The following SLC2A14 variants were observed in gnomAD, a reference collection of about 807,000 sequenced individuals.
SLC2A14 encodes the protein solute carrier family 2, facilitated glucose transporter member 14.
In SLC2A14, 13 loss-of-function variants were observed where a neutral mutation model predicts 43.0. The ratio of observed to expected loss-of-function variants is 0.30; its 90% CI spans 0.20 to 0.48. SLC2A14 has a LOEUF of 0.48. Ranked by LOEUF, SLC2A14 falls within the 20% of genes least tolerant of loss-of-function variation. SLC2A14 has a pLI of 0.99. For missense variants in SLC2A14, 428 were observed against 620.4 expected (o/e 0.69, Z 3.29); for synonymous variants, 190 against 233.8 (o/e 0.81, Z 1.71).
At chr12:7,815,596 G>C (rs1863369191) in intron 10 of SLC2A14, among the ~76,000 whole-genome samples, 2 of 151,920 alleles carry the variant, frequency 1.3e-5, no homozygotes, top group Non-Finnish European at 2.9e-5. Context: ...TTTTTTTTGA[G>C]ACGGAGTTTC....
upstream of SLC2A14, among the ~76,000 whole-genome samples, chr12:7,874,783 A>ACG (rs1354321369): frequency 1.4e-4 from 3 of 21,350 alleles, no homozygotes; most frequent in East Asian, 0.024. Flanking sequence ...ATATATAAAT[A>ACG]TATAAATATA....
At chr12:7,818,623 T>C (rs1403169242) in intron 9 of SLC2A14, among the ~76,000 whole-genome samples, 1 of 151,558 alleles carries the variant, frequency 6.6e-6, no homozygotes, top group African/African-American at 2.4e-5. Flanking sequence ...GATGGCGACA[T>C]TGCACTCCCA....
intron 2 of SLC2A14, among the ~76,000 whole-genome samples, chr12:7,868,594 C>T (rs183278006): frequency 6.6e-6 from 1 of 152,232 alleles, no homozygotes; most frequent in African/African-American, 2.4e-5. Flanking sequence ...AGTATAATAG[C>T]TACTCGAGAA....
intron 2 of SLC2A14, among the ~76,000 whole-genome samples, chr12:7,840,448 C>T (rs971840945): frequency 7.2e-5 from 11 of 151,974 alleles, no homozygotes; most frequent in South Asian, 2.1e-4. Flanking sequence ...GGCGTGATTT[C>T]GGCTCACTGC....
chr12:7,842,227 T>TGG (rs1866015040), intron 2 of SLC2A14, among the ~76,000 whole-genome samples: 1 of 152,226 alleles, frequency 6.6e-6, no homozygotes, highest in Admixed American at 6.5e-5. Context: ...CATTTCTTTT[T>TGG]ATCACTGGAT....
chr12:7,888,576 G>T (rs1945723486), intron 1 of SLC2A14, among the ~76,000 whole-genome samples: 1 of 152,016 alleles, frequency 6.6e-6, no homozygotes, highest in African/African-American at 2.4e-5. Flanking sequence ...GAGGTTGGCA[G>T]ATCACAAGGT....
upstream of SLC2A14, among the ~76,000 whole-genome samples, chr12:7,874,750 A>C (rs1411976026): frequency 3.7e-4 from 41 of 110,250 alleles, no homozygotes; most frequent in African/African-American, 1.0e-3. Context: ...AATATATATA[A>C]ATATTTATAT....
intron 1 of SLC2A14, among the ~76,000 whole-genome samples, chr12:7,888,582 A>G (rs1945723587): frequency 6.6e-6 from 1 of 151,894 alleles, no homozygotes; most frequent in African/African-American, 2.4e-5. Flanking sequence ...GGCAGATCAC[A>G]AGGTCAAGAG....
chr12:7,860,668 T>C (rs1944499198), intron 2 of SLC2A14: 1 of 152,408 alleles, frequency 6.6e-6, no homozygotes. Context: ...TTTGGGATCA[T>C]TTCCAGATGA....
At chr12:7,887,019 C>G (rs1469624044) in intron 1 of SLC2A14, among the ~76,000 whole-genome samples, 3 of 149,936 alleles carry the variant, frequency 2.0e-5, no homozygotes, top group Non-Finnish European at 3.0e-5. Context: ...TCAAGCAATT[C>G]TCCTGCCTCA....
In SLC2A14 at chr12:7,883,098, A is replaced by T. The variant is rs1329068872; in HGVS notation, c.132+7898T>A. Among the ~76,000 whole-genome samples, 5 of 151,400 alleles carry T rather than the reference A, an allele frequency of 3.3e-5. No homozygotes were observed. The South Asian group carries it at 1.0e-3, about 32-fold the overall frequency. On this transcript the variant is annotated intron_variant, in intron 1 of 9. Transcript: ENST00000539924. Reference sequence around the variant, plus strand: ...GTGGTGGGCACCTGTAATCTCAGCTACTCCGTAGGCTGAGTTGGGAGAATC... The same window carrying T: ...GTGGTGGGCACCTGTAATCTCAGCTTCTCCGTAGGCTGAGTTGGGAGAATC...
At chr12:7,857,257 A>T (rs1944303824) in intron 2 of SLC2A14, among the ~76,000 whole-genome samples, 1 of 150,846 alleles carries the variant, frequency 6.6e-6, no homozygotes, top group South Asian at 2.1e-4. Context: ...CTCAAAAAAC[A>T]AACAAACAAA....
chr12:7,875,672 C>T (rs1565585975), upstream of SLC2A14, among the ~76,000 whole-genome samples: 1 of 151,896 alleles, frequency 6.6e-6, no homozygotes, highest in African/African-American at 2.4e-5. Flanking sequence ...GATTAGTGTA[C>T]TTATAAAAGA....
At chr12:7,817,635 C>T (rs1250711130) in intron 10 of SLC2A14, among the ~76,000 whole-genome samples, 196 bp downstream of exon 10, 1 of 151,922 alleles carries the variant, frequency 6.6e-6, no homozygotes, top group Non-Finnish European at 1.5e-5. Flanking sequence ...GGCACGGTGG[C>T]GGGTGCCTGT....
At chr12:7,867,293 AAAAAAAAC>A (rs1944973827) in intron 2 of SLC2A14, among the ~76,000 whole-genome samples, 1 of 125,326 alleles carries the variant, frequency 8.0e-6, no homozygotes, top group Non-Finnish European at 1.7e-5. Context: ...AAAAAAAAAA[AAAAAAAAC>A]AAAAAAAACA....
intron 2 of SLC2A14, among the ~76,000 whole-genome samples, chr12:7,852,734 T>A (rs1263219711): frequency 1.3e-5 from 2 of 152,134 alleles, no homozygotes; most frequent in East Asian, 3.9e-4. Flanking sequence ...AAGTCACCAC[T>A]GTTTGAGAAC....
At chr12:7,880,759 C>A (rs934727308) in intron 1 of SLC2A14, among the ~76,000 whole-genome samples, 8 of 150,344 alleles carry the variant, frequency 5.3e-5, no homozygotes, top group African/African-American at 2.0e-4. Flanking sequence ...GTAATCCCTG[C>A]ACTTTGGGAG....
intron 10 of SLC2A14, among the ~76,000 whole-genome samples, chr12:7,815,329 C>A (rs1198805901): frequency 1.3e-5 from 2 of 151,748 alleles, no homozygotes; most frequent in Non-Finnish European, 2.9e-5. Flanking sequence ...GGCAAGAGAA[C>A]CACTTGATCC....
At chr12:7,837,993 G>C (rs147336742) in intron 2 of SLC2A14, among the ~76,000 whole-genome samples, 1 of 152,072 alleles carries the variant, frequency 6.6e-6, no homozygotes, top group East Asian at 1.9e-4. Flanking sequence ...CCTGACCTCA[G>C]ATGATCCACC....
Sources: gnomAD v4.1 joint callset for allele counts (sites outside exome capture counted in the v4.1 genomes callset) on GRCh38, gnomAD v4.1.1 for gene constraint, MANE v1.5 for transcripts, NCBI Gene and HGNC (gene_info 2026-07-23, HGNC 2026-07-21) for gene names.